Variants in CSMD1 observed in about 807,000 individuals in gnomAD.
CSMD1 encodes the protein CUB and sushi domain-containing protein 1.
A neutral mutation model predicts 417.5 loss-of-function variants in CSMD1; 213 were observed. The ratio of observed to expected loss-of-function variants is 0.51; its 90% CI spans 0.46 to 0.57. CSMD1 has a LOEUF of 0.57. Ranked by LOEUF, CSMD1 falls within the 20% of genes least tolerant of loss-of-function variation. The pLI is 0.00. For missense variants in CSMD1, 6,923 were observed against 4,529.7 expected, an observed-to-expected ratio of 1.53 and a Z score of -15.17; for synonymous variants, 2,862 against 1,736.8, an observed-to-expected ratio of 1.65 and a Z score of -16.11.
chr8:4,332,818 G>T (rs1475395361), intron 3 of CSMD1, among the ~76,000 whole-genome samples: 2 of 151,872 alleles, frequency 1.3e-5, no homozygotes, highest in African/African-American at 4.8e-5. Context: ...GAAGTTTTCA[G>T]GGAAACTTTA....
At chr8:3,473,443 T>A (rs1167383524) in intron 11 of CSMD1, among the ~76,000 whole-genome samples, 1 of 152,190 alleles carries the variant, frequency 6.6e-6, no homozygotes, top group Non-Finnish European at 1.5e-5. Flanking sequence ...TTTTTAAATT[T>A]TTATGTTATT....
chr8:3,491,249 G>T (rs759861359), intron 11 of CSMD1, among the ~76,000 whole-genome samples: 6 of 152,290 alleles, frequency 3.9e-5, no homozygotes, highest in African/African-American at 1.2e-4. Context: ...TCACATCACT[G>T]AGTTGGAATC....
intron 28 of CSMD1, among the ~76,000 whole-genome samples, chr8:3,220,451 C>T (rs73660615): frequency 0.11 from 17,052 of 152,206 alleles, 1,135 homozygotes; most frequent in East Asian, 0.24. Context: ...TTTAAAACTA[C>T]GCACACTCTA....
At chr8:4,645,191 T>C (rs1175847897) in intron 1 of CSMD1, among the ~76,000 whole-genome samples, 1 of 152,112 alleles carries the variant, frequency 6.6e-6, no homozygotes, top group Non-Finnish European at 1.5e-5. Context: ...TTGGCATCTC[T>C]GCTTTTTCCT....
intron 43 of CSMD1, 68 bp downstream of exon 43, chr8:3,110,090 G>C (rs1268339144): frequency 5.8e-5 from 74 of 1,274,424 alleles, no homozygotes; most frequent in Non-Finnish European, 7.6e-5. Context: ...TATATAAGTG[G>C]CATATGTATG....
intron 8 of CSMD1, among the ~76,000 whole-genome samples, chr8:3,606,736 G>C (rs1483450459): frequency 6.9e-6 from 1 of 145,486 alleles, no homozygotes; most frequent in Non-Finnish European, 1.5e-5. Flanking sequence ...TTTTGAGACA[G>C]AGTCTCACTG....
At chr8:4,072,725 A>T (rs545528022) in intron 3 of CSMD1, among the ~76,000 whole-genome samples, 138 of 152,294 alleles carry the variant, frequency 9.1e-4, no homozygotes, top group African/African-American at 3.2e-3. Context: ...GAAATGAACA[A>T]AGTGTTTACA....
chr8:4,634,347 G>A (rs1380951217), intron 2 of CSMD1, among the ~76,000 whole-genome samples: 1 of 152,080 alleles, frequency 6.6e-6, no homozygotes, highest in Non-Finnish European at 1.5e-5. Flanking sequence ...TGTTTTGTCA[G>A]CTGGGGATTA....
chr8:4,090,181 C>T (rs895104123), intron 3 of CSMD1, among the ~76,000 whole-genome samples: 8 of 152,142 alleles, frequency 5.3e-5, no homozygotes, highest in Admixed American at 6.5e-5. Context: ...GTGTAACCTC[C>T]ACTTTTGACT....
intron 5 of CSMD1, among the ~76,000 whole-genome samples, chr8:3,812,040 A>T (rs1801120405): frequency 6.6e-6 from 1 of 152,082 alleles, no homozygotes; most frequent in African/African-American, 2.4e-5. Context: ...TGAGAAAAAA[A>T]AAATTCCATA....
At chr8:4,284,641 G>C (rs141497617) in intron 3 of CSMD1, among the ~76,000 whole-genome samples, 1 of 152,178 alleles carries the variant, frequency 6.6e-6, no homozygotes, top group East Asian at 1.9e-4. Context: ...TTCTCCAAGG[G>C]TGGACTCAGG....
At chr8:3,838,625 T>C (rs1334302655) in intron 5 of CSMD1, among the ~76,000 whole-genome samples, 36 of 132,600 alleles carry the variant, frequency 2.7e-4, no homozygotes, top group African/African-American at 8.2e-4. Context: ...ATAAATAAAT[T>C]AATATATAAT....
At chr8:4,002,613 A>G (rs1340437002) in intron 4 of CSMD1, among the ~76,000 whole-genome samples, 3 of 152,212 alleles carry the variant, frequency 2.0e-5, no homozygotes, top group Admixed American at 6.5e-5. Flanking sequence ...TTTAGCTGCT[A>G]AAGATATTAA....
chr8:3,242,836 T>G (rs1342435598), intron 26 of CSMD1, among the ~76,000 whole-genome samples: 1 of 150,842 alleles, frequency 6.6e-6, no homozygotes, highest in Non-Finnish European at 1.5e-5. Context: ...GGCGCAGATA[T>G]AAGAGGTCAG....
At chr8:3,984,188 C>G (rs779073898) in intron 5 of CSMD1, among the ~76,000 whole-genome samples, 3 of 132,514 alleles carry the variant, frequency 2.3e-5, no homozygotes, top group Admixed American at 7.7e-5. Context: ...TCAGGAACCT[C>G]TCAGACTGCG....
intron 7 of CSMD1, among the ~76,000 whole-genome samples, chr8:3,638,566 G>C (rs1797154034): frequency 6.6e-6 from 1 of 152,150 alleles, no homozygotes; most frequent in African/African-American, 2.4e-5. Context: ...GCTTGTCCCT[G>C]CCTGCAAAGT....
intron 51 of CSMD1, among the ~76,000 whole-genome samples, chr8:3,024,898 C>G (rs1244998302): frequency 6.6e-6 from 1 of 152,226 alleles, no homozygotes; most frequent in Non-Finnish European, 1.5e-5. Context: ...GTTGTTCGTA[C>G]TGTTCCCTCC....
chr8:4,892,327 G>C (rs929812702), intron 1 of CSMD1, among the ~76,000 whole-genome samples: 1 of 152,050 alleles, frequency 6.6e-6, no homozygotes, highest in African/African-American at 2.4e-5. Context: ...TTGATACTTA[G>C]GTGACGAAGC....
chr8:3,207,998 T>G (rs1797400729), intron 30 of CSMD1, among the ~76,000 whole-genome samples: 1 of 152,192 alleles, frequency 6.6e-6, no homozygotes, highest in African/African-American at 2.4e-5. Context: ...TCTCTCCACC[T>G]TAACCATGTG....
Sources: allele counts gnomAD v4.1 joint callset (sites outside exome capture counted in the v4.1 genomes callset), GRCh38; gene constraint gnomAD v4.1.1; transcripts MANE v1.5; gene names NCBI Gene and HGNC (gene_info 2026-07-23, HGNC 2026-07-21).